Variants in LBHD1 observed in about 807,000 individuals in gnomAD.
LBHD1 encodes the protein LBH domain-containing protein 1.
In LBHD1, 28 loss-of-function variants were observed where a neutral mutation model predicts 31.1. The observed-to-expected ratio is 0.90, with a 90% confidence interval of 0.67 to 1.24. The LOEUF (loss-of-function observed/expected upper bound fraction) is 1.24. LBHD1 is among the 50% of genes most tolerant of loss of function. The pLI, the probability that LBHD1 is intolerant of heterozygous loss-of-function variation, is 0.00. For missense variants in LBHD1, 350 were observed against 323.0 expected, an observed-to-expected ratio of 1.08 and a Z score of -0.64; for synonymous variants, 105 against 116.5, an observed-to-expected ratio of 0.90 and a Z score of 0.63.
chr11:62,667,311 T>C (rs1226705588), intron 4 of LBHD1: 4 of 644,508 alleles, frequency 6.2e-6, no homozygotes, highest in African/African-American at 3.7e-5. Flanking sequence ...GAAGGTACAA[T>C]TGGGTCATTC....
At position 62,671,928 on chromosome 11, in the gene LBHD1, T is replaced by G; in HGVS notation, c.-375A>C. ...GTGGAGAGCCCCGGACTGGAGCTCC[T>G]GCGAACTCCCCTTCCTGCCCTCAGG... On this transcript the variant is annotated 5_prime_UTR_variant, in exon 1 of 7. Transcript: ENST00000354588. 1 of 1,613,184 alleles carries G rather than the reference T, an allele frequency of 6.2e-7. No individual in the cohort carries two copies. Among genetic ancestry groups the G allele is most frequent in the Non-Finnish European group, 8.5e-7 (1 of 1,179,366 alleles).
At chr11:62,663,429 G>A (rs1944706935) in intron 5 of LBHD1, 96 bp from the exon 6 acceptor site, 3 of 1,297,828 alleles carry the variant, frequency 2.3e-6, no homozygotes, top group Admixed American at 2.3e-5. Context: ...TAAATAGGCT[G>A]GGCGCAGTGG....
In LBHD1 at chr11:62,669,896, G is replaced by C. The variant is rs1202623627; in HGVS notation, c.136C>G (p.His46Asp). The change falls in exon 2 of 7, where the codon CAC becomes GAC. Residue 46 changes from histidine to aspartate, a missense_variant. Transcript: ENST00000354588. The part of the protein sequence containing the change: ...DRGKIGKVEG[H>D]QHIQDFSQKS... ...GAAGTACTAACCTGAATGTGCTGGT[G>C]ACCTTCAACCTTGCCAATTTTTCCT... 2 of 1,614,228 alleles carry C rather than the reference G, an allele frequency of 1.2e-6. No individual in the cohort carries two copies. The highest frequency in any genetic ancestry group is 1.7e-5 in the Admixed American group (1 of 60,018).
chr11:62,666,012 C>T, intron 4 of LBHD1: 1 of 1,528,006 alleles, frequency 6.5e-7, no homozygotes, highest in Middle Eastern at 1.9e-4. Flanking sequence ...AAGGTGGGTT[C>T]CTCGTGAGTC....
intron 5 of LBHD1, among the ~76,000 whole-genome samples, chr11:62,664,449 G>T (rs1395908923): frequency 1.3e-5 from 2 of 149,014 alleles, no homozygotes; most frequent in African/African-American, 2.5e-5. Context: ...TCCTGCCTCA[G>T]CCTCCCGTGT....
At chr11:62,665,659 T>A in intron 4 of LBHD1, 1 of 1,482,442 alleles carries the variant, frequency 6.7e-7, no homozygotes, top group South Asian at 1.3e-5. Flanking sequence ...CTGCGGACGC[T>A]GTATACCCTC....
intron 4 of LBHD1, chr11:62,666,393 C>T: frequency 1.2e-6 from 2 of 1,607,950 alleles, no homozygotes; most frequent in Non-Finnish European, 1.7e-6. Flanking sequence ...ACCGTGCCCA[C>T]AGGCTCACTG....
In LBHD1 at chr11:62,662,864, C is replaced by A. The variant is rs541482879; in HGVS notation, c.*265G>T. The A allele has an allele frequency of 1.7e-5, 10 of 594,414 alleles. No homozygotes were observed. In the South Asian group the frequency reaches 2.1e-4, roughly 13 times the overall value. 36.8% of individuals were successfully genotyped at this position (594,414 alleles called of 1,614,324 possible). A position where few individuals can be genotyped will look rare whatever the true frequency, so the allele number is the denominator to read the frequency against. ...CAAATGGAGTTGACTGCTAGAGAGG[C>A]CCTTCTCCAATCTTTCTTCTGTACC... On this transcript the variant is annotated 3_prime_UTR_variant, in exon 7 of 7. Transcript: ENST00000354588.
chr11:62,669,776 A>G lies in LBHD1; in HGVS notation c.178T>C (p.Ser60Pro), dbSNP rs763134279. 6.2e-7 allele frequency: 1 copy of G among 1,614,140 alleles called. No homozygotes were observed. The highest frequency in any genetic ancestry group is 1.7e-5 in the Admixed American group (1 of 60,014). ...QDFSQKSHLP[S>P]IVVESSEVNE... The stretch of plus-strand genomic sequence containing the variant: ...ACCTCACTGGATTCCACCACAATAG[A>G]CGGCAGATGGGACTTTTGAGAGAAA... Residue 60 changes from serine (S) to proline (P), a missense_variant, in exon 3 of 7, where the codon TCT becomes CCT. Ser to Pro is a moderately conservative substitution (Grantham distance 74, BLOSUM62 -1). Transcript: ENST00000354588.
rs1944943446 is a variant in LBHD1 at position 62,671,557 on chromosome 11, G to A, written c.-11+7C>T. On this transcript the variant is annotated splice_region_variant and intron_variant, in intron 1 of 6. Coordinates refer to ENST00000354588, the MANE Select transcript of LBHD1 (RefSeq NM_024099.5). ...CTTCTTGGACACCTCAACCCCCTCA[G>A]CTAAACCTGAGATCCAAGCGCTCCG... 2.1e-6 allele frequency: 3 copies of A among 1,431,564 alleles called. No homozygotes were observed. Among genetic ancestry groups the A allele is most frequent in the South Asian group, 1.5e-5 (1 of 66,938 alleles). The allele number at this position is 1,431,564 out of a possible 1,614,324, so 88.7% of individuals were successfully genotyped here.
Position 62,663,029 on chromosome 11 carries a change from G to T in LBHD1, c.*100C>A. 6.5e-7 allele frequency: 1 copy of T among 1,535,626 alleles called. No homozygotes were observed. The highest frequency in any genetic ancestry group is 9.0e-7 in the Non-Finnish European group (1 of 1,116,600). ...GAGTCTGAAGGCTGGCTCCAGTTGA[G>T]AATCTTCTAGTGGAAGAGGTTTAGC... On this transcript the variant is annotated 3_prime_UTR_variant, in exon 7 of 7. Coordinates refer to ENST00000354588, the MANE Select transcript of LBHD1 (RefSeq NM_024099.5).
chr11:62,666,664 T>C (rs777929810), intron 4 of LBHD1: 5 of 1,614,152 alleles, frequency 3.1e-6, no homozygotes, highest in Non-Finnish European at 4.2e-6. Context: ...CTCCTGTGGC[T>C]GTGGCCCACA....
chr11:62,670,004 C>T lies in LBHD1; in HGVS notation c.28G>A (p.Glu10Lys), dbSNP rs1025621981. 9.3e-6 allele frequency: 15 copies of T among 1,613,028 alleles called. No homozygotes were observed. Among genetic ancestry groups the T allele is most frequent in the Non-Finnish European group, 1.3e-5 (15 of 1,179,558 alleles). Residue 10 changes from glutamate (E) to lysine (K), a missense_variant, in exon 2 of 7, where the codon GAG becomes AAG. Transcript: ENST00000354588. ...CTATTTCTAGTCCAAAGCCCATCCT[C>T]CTTGCTTCTCCCTGGCACAAGGGCC... MALVPGRSKEDGLWTRNSPG... is the reference protein window; with the variant it reads MALVPGRSKKDGLWTRNSPG...
At chr11:62,664,684 G>A (rs1944746210) in intron 5 of LBHD1, among the ~76,000 whole-genome samples, 165 bp downstream of exon 5, 1 of 152,104 alleles carries the variant, frequency 6.6e-6, no homozygotes, top group Non-Finnish European at 1.5e-5. Context: ...TCTGCTACAG[G>A]TATTGTGAGA....
chr11:62,665,184 T>C, intron 4 of LBHD1: 1 of 815,190 alleles, frequency 1.2e-6, no homozygotes, highest in South Asian at 1.4e-5. Flanking sequence ...GCGATTCCAC[T>C]CCAGTTCACG....
At chr11:62,663,194 T>G (rs1304205081) in intron 6 of LBHD1, 35 bp from the exon 7 acceptor site, 1 of 1,613,760 alleles carries the variant, frequency 6.2e-7, no homozygotes, top group Non-Finnish European at 8.5e-7. Flanking sequence ...TTATCCCAAA[T>G]AAATCCAGGA....
chr11:62,667,298 A>G (rs1000900240), intron 4 of LBHD1: 1 of 640,190 alleles, frequency 1.6e-6, no homozygotes, highest in Non-Finnish European at 2.7e-6. Flanking sequence ...AATGCTGAAA[A>G]GAGAAGGTAC....
intron 1 of LBHD1, 73 bp downstream of exon 1, chr11:62,671,491 T>C: frequency 1.5e-6 from 2 of 1,369,800 alleles, no homozygotes; most frequent in Non-Finnish European, 9.5e-7. Flanking sequence ...ACCCCGGAAT[T>C]GAGGACACAG....
At position 62,671,737 on chromosome 11, in the gene LBHD1, C is replaced by CA; in HGVS notation, c.-185dup. The CA allele has an allele frequency of 1.2e-6, 2 of 1,612,772 alleles. No individual in the cohort carries two copies. Among genetic ancestry groups the CA allele is most frequent in the South Asian group, 2.2e-5 (2 of 91,044 alleles). ...TCCCGTGGGCGCTCCGCTGGCTGTG[C>CA]AGGCGGCCATGGATTCCTTGCGGAA... is the stretch of plus-strand genomic sequence containing the variant. On this transcript the variant is annotated 5_prime_UTR_variant, in exon 1 of 7. It introduces an in-frame stop codon into an upstream open reading frame of the 5' UTR. Coordinates refer to ENST00000354588, the MANE Select transcript of LBHD1 (RefSeq NM_024099.5).
Sources: gnomAD v4.1 joint callset for allele counts (sites outside exome capture counted in the v4.1 genomes callset) on GRCh38, gnomAD v4.1.1 for gene constraint, MANE v1.5 for transcripts, NCBI Gene and HGNC (gene_info 2026-07-23, HGNC 2026-07-21) for gene names.